The following KCNH1 variants were observed in gnomAD, a reference collection of about 807,000 sequenced individuals.
KCNH1 encodes voltage-gated delayed rectifier potassium channel KCNH1.
KCNH1 carries 27 observed loss-of-function variants against 69.2 expected under a neutral mutation model. The ratio of observed to expected loss-of-function variants is 0.39; its 90% CI spans 0.29 to 0.54. KCNH1 has a LOEUF of 0.54. Among genes scored for constraint, KCNH1 ranks in the 20% least tolerant of loss-of-function variants. The probability of loss-of-function intolerance (pLI) is 0.68; values close to 1 mark genes in which losing one functional copy is unlikely to be tolerated. For synonymous variants in KCNH1, 456 were observed against 487.7 expected (o/e 0.93, Z 0.86); for missense variants, 798 against 1,261.6 (o/e 0.63, Z 5.57).
At chr1:210,755,107 T>C (rs373066698) in intron 10 of KCNH1, among the ~76,000 whole-genome samples, 1 of 149,186 alleles carries the variant, frequency 6.7e-6, no homozygotes, top group African/African-American at 2.5e-5. Flanking sequence ...CCCCTGTGCA[T>C]GCAAAGCAGT....
chr1:210,844,259 A>G (rs1448927724), intron 7 of KCNH1, among the ~76,000 whole-genome samples: 7 of 152,180 alleles, frequency 4.6e-5, no homozygotes, highest in Admixed American at 4.6e-4. Flanking sequence ...GCATTGGCTC[A>G]TGCCTGTAAT....
chr1:210,839,890 T>C (rs1685369052), intron 7 of KCNH1, among the ~76,000 whole-genome samples: 1 of 152,128 alleles, frequency 6.6e-6, no homozygotes, highest in African/African-American at 2.4e-5. Flanking sequence ...CTAGGACAAA[T>C]GAAGAATCAC....
chr1:211,066,687 T>G (rs941177913), intron 5 of KCNH1, among the ~76,000 whole-genome samples: 1 of 152,174 alleles, frequency 6.6e-6, no homozygotes, highest in Non-Finnish European at 1.5e-5. Context: ...CTATTGCTAT[T>G]TCAAGAGAAG....
intron 5 of KCNH1, among the ~76,000 whole-genome samples, chr1:211,079,319 T>A (rs1303860360): frequency 6.6e-6 from 1 of 152,200 alleles, no homozygotes; most frequent in African/African-American, 2.4e-5. Flanking sequence ...ATTGAGGCAA[T>A]AATTAATAGC....
intron 7 of KCNH1, among the ~76,000 whole-genome samples, chr1:210,849,365 CTTTTTTTT>C (rs150451228): frequency 7.8e-6 from 1 of 128,042 alleles, no homozygotes; most frequent in Non-Finnish European, 1.6e-5. Context: ...TTCTTTCTTT[CTTTTTTTT>C]TTTTTTTTTG....
chr1:210,971,679 T>A (rs1470099388), intron 6 of KCNH1, among the ~76,000 whole-genome samples: 1 of 145,158 alleles, frequency 6.9e-6, no homozygotes, highest in African/African-American at 2.6e-5. Flanking sequence ...ATGGAAAAGG[T>A]ATTTATGTCA....
chr1:210,839,837 G>A (rs1685367853), intron 7 of KCNH1, among the ~76,000 whole-genome samples: 2 of 152,100 alleles, frequency 1.3e-5, no homozygotes, highest in African/African-American at 4.8e-5. Context: ...TATTCATATT[G>A]GGAAAAGTTG....
At chr1:210,910,405 G>T (rs1305952518) in intron 7 of KCNH1, among the ~76,000 whole-genome samples, 1 of 152,266 alleles carries the variant, frequency 6.6e-6, no homozygotes, top group Non-Finnish European at 1.5e-5. Context: ...GAGTCTGAGG[G>T]GCTGACAAGC....
intron 6 of KCNH1, among the ~76,000 whole-genome samples, chr1:210,990,333 G>T (rs1340607571): frequency 6.6e-6 from 1 of 152,216 alleles, no homozygotes; most frequent in African/African-American, 2.4e-5. Context: ...ATGGATCCTT[G>T]GAGCAAATGA....
intron 8 of KCNH1, among the ~76,000 whole-genome samples, chr1:210,801,796 C>T (rs1337663625): frequency 6.6e-6 from 1 of 152,184 alleles, no homozygotes; most frequent in Admixed American, 6.5e-5. Context: ...AAACAATAGG[C>T]GTAGTTGGGG....
At chr1:210,736,551 A>C (rs891422788) in intron 10 of KCNH1, among the ~76,000 whole-genome samples, 25 of 150,590 alleles carry the variant, frequency 1.7e-4, no homozygotes, top group Middle Eastern at 3.4e-3. Flanking sequence ...CCCCCCTCCA[A>C]AAAAAAATTA....
rs549144210 is a variant in KCNH1, at chr1:210,912,379, T to A, written c.1462+7261A>T. The stretch of plus-strand genomic sequence containing the variant: ...TACTTTAGGGCTTCCCTTAACTTGC[T>A]CTGCAGTCAGGCCAACTTTTTTTTT... On this transcript the variant is annotated intron_variant, in intron 7 of 10. Transcript: ENST00000271751. Among the ~76,000 whole-genome samples the A allele has an allele frequency of 4.6e-5, 7 of 151,956 alleles. No individual in the cohort carries two copies. The South Asian group carries it at 8.4e-4, about 18-fold the overall frequency.
chr1:210,934,707 G>C (rs1255513287), intron 6 of KCNH1, among the ~76,000 whole-genome samples: 1 of 151,836 alleles, frequency 6.6e-6, no homozygotes, highest in Non-Finnish European at 1.5e-5. Context: ...AATCATTAAG[G>C]AAATGCAAGT....
rs1685866223 is a variant in KCNH1 at position 210,857,076 on chromosome 1, T to C, written c.1463-52910A>G. On this transcript the variant is annotated intron_variant, in intron 7 of 10. Transcript: ENST00000271751. ...GAAATACAAAGCCATGAGCCTACCC[T>C]ATGCCTACTGTGTTAGAATCTGCAT... Among the ~76,000 whole-genome samples the C allele has an allele frequency of 3.3e-5, 5 of 151,654 alleles. No homozygotes were observed. The South Asian group carries it at 1.0e-3, about 32-fold the overall frequency.
intron 7 of KCNH1, among the ~76,000 whole-genome samples, chr1:210,849,366 T>A (rs1685632547): frequency 1.5e-5 from 1 of 66,722 alleles, no homozygotes; most frequent in African/African-American, 7.2e-5. Context: ...TCTTTCTTTC[T>A]TTTTTTTTTT....
chr1:210,987,305 G>C (rs1024454451), intron 6 of KCNH1, among the ~76,000 whole-genome samples: 1 of 152,160 alleles, frequency 6.6e-6, no homozygotes, highest in Non-Finnish European at 1.5e-5. Context: ...TCTCCACCCA[G>C]CTTTGTTCCA....
At chr1:210,980,959 AT>A (rs1688699774) in intron 6 of KCNH1, among the ~76,000 whole-genome samples, 1 of 152,140 alleles carries the variant, frequency 6.6e-6, no homozygotes, top group Non-Finnish European at 1.5e-5. Flanking sequence ...AAGCCTATGC[AT>A]TTTCCACTTT....
chr1:210,920,572 C>A (rs548521354), intron 6 of KCNH1, among the ~76,000 whole-genome samples: 1 of 152,072 alleles, frequency 6.6e-6, no homozygotes, highest in South Asian at 2.1e-4. Context: ...GTTATTGCTG[C>A]ATTAGCAAGT....
At chr1:210,811,102 G>A (rs1684692155) in intron 7 of KCNH1, among the ~76,000 whole-genome samples, 1 of 152,180 alleles carries the variant, frequency 6.6e-6, no homozygotes, top group Non-Finnish European at 1.5e-5. Flanking sequence ...TCAATATTCA[G>A]TGTACAAAGT....
Sources: allele counts gnomAD v4.1 joint callset (sites outside exome capture counted in the v4.1 genomes callset), GRCh38; gene constraint gnomAD v4.1.1; transcripts MANE v1.5; gene names NCBI Gene and HGNC (gene_info 2026-07-23, HGNC 2026-07-21).